Variants in TRAF2 observed in about 807,000 individuals in gnomAD.
TRAF2 encodes TNF receptor associated factor 2, also known as TNF receptor-associated factor 2.
A neutral mutation model predicts 55.6 loss-of-function variants in TRAF2; 6 were observed. That is an observed-to-expected ratio of 0.11 (90% confidence interval 0.06 to 0.21). The LOEUF (loss-of-function observed/expected upper bound fraction) is 0.21. Ranked by LOEUF, TRAF2 falls within the 10% of genes least tolerant of loss-of-function variation. The pLI, the probability that TRAF2 is intolerant of heterozygous loss-of-function variation, is 1.00. For synonymous variants in TRAF2, 329 were observed against 276.3 expected (o/e 1.19, Z -1.89); for missense variants, 561 against 684.5 (o/e 0.82, Z 2.01).
At chr9:136,911,846 C>CTTTTTTTTTTTTTTTTTTT (rs71492143) in intron 6 of TRAF2, among the ~76,000 whole-genome samples, 2 of 71,452 alleles carry the variant, frequency 2.8e-5, no homozygotes, top group African/African-American at 1.3e-4. Flanking sequence ...TCTCTTATCT[C>CTTTTTTTTTTTTTTTTTTT]TTTTTTTTTT....
intron 1 of TRAF2, among the ~76,000 whole-genome samples, chr9:136,887,994 C>CGA (rs950455926): frequency 6.6e-6 from 1 of 151,980 alleles, no homozygotes; most frequent in African/African-American, 2.4e-5. Context: ...CTCAGCCTCC[C>CGA]GAGCAGCTGG....
At chr9:136,911,652 G>A (rs1226642697) in intron 6 of TRAF2, among the ~76,000 whole-genome samples, 3 of 152,050 alleles carry the variant, frequency 2.0e-5, no homozygotes, top group South Asian at 2.1e-4. Flanking sequence ...CTTGGGCCCC[G>A]CCTGCTTCCT....
chr9:136,918,255 A>ATATATATATATATATATT (rs1402432355), intron 7 of TRAF2, among the ~76,000 whole-genome samples: 2 of 23,348 alleles, frequency 8.6e-5, no homozygotes, highest in African/African-American at 4.2e-4. Context: ...ATATATATAT[A>ATATATATATATATATATT]TATTTATTTA....
In TRAF2 at chr9:136,900,681, G is replaced by A. The variant is rs185513878; in HGVS notation, c.366+161G>A. 8.7e-5 allele frequency: 62 copies of A among 710,104 alleles called. 1 individual carries two copies. The Admixed American group carries it at 1.3e-3, about 14-fold the overall frequency. The allele number at this position is 710,104 out of a possible 1,614,324, so 44.0% of individuals were successfully genotyped here. ...GAGACGGAGCTGCTCCTTAGAGTAT[G>A]TCCATTTAGAAACTCAAGTAGTGCA... On this transcript the variant is annotated intron_variant, in intron 4 of 10. Coordinates refer to ENST00000247668, the MANE Select transcript of TRAF2 (RefSeq NM_021138.4).
Position 136,910,079 on chromosome 9 carries a change from G to T in TRAF2, c.603+85G>T, listed in dbSNP as rs577235504. On this transcript the variant is annotated intron_variant, in intron 6 of 10. Coordinates refer to ENST00000247668, the MANE Select transcript of TRAF2 (RefSeq NM_021138.4). Reference sequence around the variant, plus strand: ...GGTCCCGTGGGTGGGGGTGGGGCAGGTTATGACCCTTGTGCCCAAAGGAAC... The same window carrying T: ...GGTCCCGTGGGTGGGGGTGGGGCAGTTTATGACCCTTGTGCCCAAAGGAAC... The T allele has an allele frequency of 3.5e-5, 49 of 1,390,066 alleles. No individual in the cohort carries two copies. The Admixed American group carries it at 7.9e-4, about 23-fold the overall frequency. The allele number at this position is 1,390,066 out of a possible 1,614,324, so 86.1% of individuals were successfully genotyped here. A position where few individuals can be genotyped will look rare whatever the true frequency, so the allele number is the denominator to read the frequency against.
intron 7 of TRAF2, among the ~76,000 whole-genome samples, chr9:136,918,248 TATATATATA>T (rs1850289540): frequency 2.1e-5 from 1 of 46,864 alleles, no homozygotes; most frequent in Non-Finnish European, 3.8e-5. Flanking sequence ...TATATATATA[TATATATATA>T]TTTATTTAAT....
rs761538971 is a variant in TRAF2, at chr9:136,925,932, G to GC, written c.*32dup. The GC allele has an allele frequency of 4.1e-5, 66 of 1,611,946 alleles. No individual in the cohort carries two copies. The East Asian group carries it at 1.3e-3, about 33-fold the overall frequency. The stretch of plus-strand genomic sequence containing the variant: ...CCCTACTGGTGTCTGGGGGTTGGGG[G>GC]CAGCCAGGCACAGCCGGCTCACGGA... On this transcript the variant is annotated 3_prime_UTR_variant, in exon 11 of 11. Coordinates refer to ENST00000247668, the MANE Select transcript of TRAF2 (RefSeq NM_021138.4).
upstream of TRAF2, chr9:136,886,267 G>C: frequency 2.4e-6 from 1 of 417,034 alleles, no homozygotes; most frequent in Non-Finnish European, 3.2e-6. Flanking sequence ...GGAAAAAGCA[G>C]AGGGCGACTT....
chr9:136,885,791 AC>A (rs1211113271), upstream of TRAF2, among the ~76,000 whole-genome samples: 2 of 152,022 alleles, frequency 1.3e-5, no homozygotes, highest in Non-Finnish European at 2.9e-5. Context: ...AATAAAGTGC[AC>A]AACCCAGTAG....
At chr9:136,920,665 G>T (rs1850362972) in intron 8 of TRAF2, 150 bp downstream of exon 8, 1 of 1,168,588 alleles carries the variant, frequency 8.6e-7, no homozygotes, top group Non-Finnish European at 1.2e-6. Context: ...TGGTTTAGGG[G>T]AGGCTCTGGC....
intron 1 of TRAF2, among the ~76,000 whole-genome samples, chr9:136,892,424 A>G (rs952171492): frequency 5.9e-5 from 9 of 151,944 alleles, no homozygotes; most frequent in African/African-American, 2.2e-4. Flanking sequence ...AGATCGCGCC[A>G]CTGCACTCCC....
At chr9:136,924,519 G>A (rs17244467) in intron 10 of TRAF2, among the ~76,000 whole-genome samples, 1 of 152,054 alleles carries the variant, frequency 6.6e-6, no homozygotes, top group Non-Finnish European at 1.5e-5. Flanking sequence ...CCGAGATCAC[G>A]CTACTGCACT....
chr9:136,903,683 TTTGTTTG>T (rs970955301), intron 4 of TRAF2, among the ~76,000 whole-genome samples: 7 of 151,990 alleles, frequency 4.6e-5, no homozygotes, highest in East Asian at 1.9e-4. Flanking sequence ...TTTTTGTTTG[TTTGTTTG>T]TTGTTTTTTG....
At chr9:136,897,878 G>T (rs1849720989) in intron 1 of TRAF2, among the ~76,000 whole-genome samples, 1 of 137,846 alleles carries the variant, frequency 7.3e-6, no homozygotes, top group South Asian at 2.4e-4. Context: ...CTACGTTCCC[G>T]CTCTCGGGGC....
In TRAF2 at chr9:136,916,272, A is replaced by C. The variant is rs1850238673; in HGVS notation, c.604-269A>C. Among the ~76,000 whole-genome samples, 3 of 152,290 alleles carry C rather than the reference A, an allele frequency of 2.0e-5. No individual in the cohort carries two copies. The South Asian group carries it at 6.2e-4, about 32-fold the overall frequency. ...ACTGTGATAGAGGGACAGGCGTGCC[A>C]TGTGACACACAAGCTGGGGTCTCCA... On this transcript the variant is annotated intron_variant, in intron 6 of 10. Transcript: ENST00000247668.
At chr9:136,923,031 GCA>G (rs748279258) in intron 9 of TRAF2, among the ~76,000 whole-genome samples, 38 of 152,280 alleles carry the variant, frequency 2.5e-4, no homozygotes, top group Non-Finnish European at 5.0e-4. Context: ...GCAGACCTTT[GCA>G]CACAGTGTTC....
intron 6 of TRAF2, 121 bp from the exon 7 acceptor site, chr9:136,916,418 TGA>T (rs1185696062): frequency 5.5e-6 from 5 of 905,174 alleles, no homozygotes; most frequent in Non-Finnish European, 7.2e-6. Flanking sequence ...TCATTCAGTG[TGA>T]GAGTGAAGAG....
At chr9:136,899,538 T>G in intron 2 of TRAF2, 56 bp from the exon 3 acceptor site, 1 of 1,542,568 alleles carries the variant, frequency 6.5e-7, no homozygotes, top group South Asian at 1.2e-5. Context: ...CAAATGGTGT[T>G]TGTTTTTTGC....
At chr9:136,909,632 A>G (rs550551634) in intron 5 of TRAF2, among the ~76,000 whole-genome samples, 4 of 152,120 alleles carry the variant, frequency 2.6e-5, no homozygotes, top group Admixed American at 6.5e-5. Flanking sequence ...GCGTTTCCCC[A>G]TCTTCACCGG....
Sources: gnomAD v4.1 joint callset for allele counts (sites outside exome capture counted in the v4.1 genomes callset) on GRCh38, gnomAD v4.1.1 for gene constraint, MANE v1.5 for transcripts, NCBI Gene and HGNC (gene_info 2026-07-23, HGNC 2026-07-21) for gene names.